Variants in RORA observed in about 807,000 individuals in gnomAD.
The protein encoded by RORA is nuclear receptor ROR-alpha.
A neutral mutation model predicts 69.5 loss-of-function variants in RORA; 7 were observed. The ratio of observed to expected loss-of-function variants is 0.10; its 90% confidence interval spans 0.06 to 0.19. RORA has a LOEUF of 0.19. RORA is among the 10% of genes least tolerant of loss of function. The pLI is 1.00. For synonymous variants in RORA, 261 were observed against 240.8 expected (o/e 1.08, Z -0.78); for missense variants, 457 against 663.0 (o/e 0.69, Z 3.41).
intron 1 of RORA, among the ~76,000 whole-genome samples, chr15:60,846,071 A>C (rs550140013): frequency 6.6e-6 from 1 of 152,336 alleles, no homozygotes; most frequent in East Asian, 1.9e-4. Context: ...TACCACCACC[A>C]GCATGATCCC....
chr15:60,820,132 C>T (rs917886322), intron 1 of RORA, among the ~76,000 whole-genome samples: 3 of 152,252 alleles, frequency 2.0e-5, no homozygotes, highest in Non-Finnish European at 2.9e-5. Flanking sequence ...TCGATTGGGA[C>T]AGGCTGACGA....
intron 1 of RORA, among the ~76,000 whole-genome samples, chr15:60,933,874 T>C (rs1892442590): frequency 1.3e-5 from 2 of 152,216 alleles, no homozygotes; most frequent in Admixed American, 1.3e-4. Flanking sequence ...TGAAATGTCT[T>C]TGGGTGTGTG....
chr15:61,110,007 T>A (rs548992147), intron 1 of RORA, among the ~76,000 whole-genome samples: 1 of 151,990 alleles, frequency 6.6e-6, no homozygotes, highest in South Asian at 2.1e-4. Flanking sequence ...TATTGCCTAG[T>A]GATGTAGCCA....
At chr15:60,523,191 G>T (rs567010897) in intron 3 of RORA, among the ~76,000 whole-genome samples, 4 of 152,320 alleles carry the variant, frequency 2.6e-5, no homozygotes, top group African/African-American at 9.6e-5. Flanking sequence ...AGTCAGCAAG[G>T]AAGTGGTTCA....
intron 1 of RORA, among the ~76,000 whole-genome samples, chr15:61,109,018 A>C (rs1485493892): frequency 6.6e-6 from 1 of 152,110 alleles, no homozygotes; most frequent in African/African-American, 2.4e-5. Context: ...CAACATGGTA[A>C]AACTCTGTCT....
chr15:60,978,007 C>G (rs1363847589), intron 1 of RORA, among the ~76,000 whole-genome samples: 3 of 152,116 alleles, frequency 2.0e-5, no homozygotes, highest in African/African-American at 7.2e-5. Context: ...AATGGTAACT[C>G]TATGTTTAAT....
rs576661172 is a variant in RORA at position 60,497,441 on chromosome 15, T to G, written c.*14A>C. The G allele has an allele frequency of 6.2e-7, 1 of 1,611,946 alleles. No homozygotes were observed. Among genetic ancestry groups the G allele is most frequent in the African/African-American group, 1.3e-5 (1 of 75,002 alleles). ...TGTACTTCAGACATTCTAGAAGTGC[T>G]TAGGTGATAACATTTACCCATCAAT... On this transcript the variant is annotated 3_prime_UTR_variant, in exon 11 of 11. Transcript: ENST00000335670.
At chr15:60,986,685 G>C (rs1182477821) in intron 1 of RORA, among the ~76,000 whole-genome samples, 1 of 152,182 alleles carries the variant, frequency 6.6e-6, no homozygotes, top group Non-Finnish European at 1.5e-5. Context: ...GGCTCTGAAA[G>C]TGCTTAGATC....
intron 1 of RORA, among the ~76,000 whole-genome samples, chr15:60,730,051 T>C (rs770273973): frequency 6.6e-6 from 1 of 152,150 alleles, no homozygotes; most frequent in Non-Finnish European, 1.5e-5. Flanking sequence ...AATAAAACCA[T>C]GAACAAGAGT....
chr15:61,002,752 G>C (rs1894781838), intron 1 of RORA, among the ~76,000 whole-genome samples: 1 of 152,066 alleles, frequency 6.6e-6, no homozygotes, highest in Non-Finnish European at 1.5e-5. Flanking sequence ...AATTTGAAGA[G>C]TTATTAGATA....
At chr15:60,915,964 G>GA (rs1273209796) in intron 1 of RORA, among the ~76,000 whole-genome samples, 3 of 152,002 alleles carry the variant, frequency 2.0e-5, no homozygotes, top group Non-Finnish European at 4.4e-5. Context: ...AAGGCTATTA[G>GA]AAAAAGTTCA....
intron 1 of RORA, among the ~76,000 whole-genome samples, chr15:60,760,095 T>A (rs1377696459): frequency 2.0e-5 from 3 of 152,206 alleles, no homozygotes; most frequent in Admixed American, 6.5e-5. Context: ...TGTGTTTTTT[T>A]AAAAGGTTTT....
At chr15:60,997,573 T>C (rs1337803554) in intron 1 of RORA, among the ~76,000 whole-genome samples, 1 of 152,190 alleles carries the variant, frequency 6.6e-6, no homozygotes, top group African/African-American at 2.4e-5. Flanking sequence ...GCTTCTCAAA[T>C]AGTGTGTTTT....
chr15:61,164,409 C>T (rs2079523936), intron 1 of RORA, among the ~76,000 whole-genome samples: 1 of 152,160 alleles, frequency 6.6e-6, no homozygotes, highest in Non-Finnish European at 1.5e-5. Flanking sequence ...GCTTGTTTTT[C>T]CTGAACAATC....
chr15:60,696,750 A>G (rs1279878914), intron 1 of RORA, among the ~76,000 whole-genome samples: 1 of 152,228 alleles, frequency 6.6e-6, no homozygotes, highest in African/African-American at 2.4e-5. Context: ...AAATTCTAGG[A>G]AAAGCACCTG....
At chr15:61,063,788 A>AT (rs1474565400) in intron 1 of RORA, among the ~76,000 whole-genome samples, 1 of 152,244 alleles carries the variant, frequency 6.6e-6, no homozygotes, top group African/African-American at 2.4e-5. Context: ...ACTAAATGAC[A>AT]GTTTTTCCAT....
At chr15:61,066,625 T>C (rs1473456123) in intron 1 of RORA, among the ~76,000 whole-genome samples, 1 of 151,658 alleles carries the variant, frequency 6.6e-6, no homozygotes, top group African/African-American at 2.4e-5. Flanking sequence ...ACAGGGTTTC[T>C]GCATGTTGGT....
intron 1 of RORA, among the ~76,000 whole-genome samples, chr15:60,818,655 CT>C (rs1459116662): frequency 6.6e-6 from 1 of 152,212 alleles, no homozygotes; most frequent in Non-Finnish European, 1.5e-5. Context: ...GAAAAAGAAA[CT>C]TAGCACACAG....
At chr15:60,706,660 C>T (rs1228610380) in intron 1 of RORA, among the ~76,000 whole-genome samples, 1 of 152,148 alleles carries the variant, frequency 6.6e-6, no homozygotes, top group Non-Finnish European at 1.5e-5. Flanking sequence ...ATTCAGCTTC[C>T]CATTGTCACA....
Sources: allele counts gnomAD v4.1 joint callset (sites outside exome capture counted in the v4.1 genomes callset), GRCh38; gene constraint gnomAD v4.1.1; transcripts MANE v1.5; gene names NCBI Gene and HGNC (gene_info 2026-07-23, HGNC 2026-07-21).